NXPE4: variants seen among roughly 807,000 people sequenced by gnomAD.
The protein encoded by NXPE4 is NXPE family member 4.
NXPE4 carries 42 observed loss-of-function variants against 33.3 expected under a neutral mutation model. The ratio of observed to expected loss-of-function variants is 1.26; its 90% confidence interval spans 0.98 to 1.63. The LOEUF (loss-of-function observed/expected upper bound fraction) is 1.63. Among genes scored for constraint, NXPE4 ranks in the 40% most tolerant of loss-of-function variants. NXPE4 has a pLI of 0.00. For synonymous variants in NXPE4, 253 were observed against 234.9 expected, an observed-to-expected ratio of 1.08 and a Z score of -0.71; for missense variants, 709 against 647.6, an observed-to-expected ratio of 1.09 and a Z score of -1.03.
At chr11:114,672,554 A>G in the NXPE4 span, among the ~76,000 whole-genome samples, 1 of 152,026 alleles carries the variant, frequency 6.6e-6, no homozygotes, top group African/African-American at 2.4e-5. Context: ...GACAAGATCC[A>G]ACTAACATAT....
the NXPE4 span, among the ~76,000 whole-genome samples, chr11:114,647,604 ATAT>A: frequency 6.6e-6 from 1 of 152,110 alleles, no homozygotes; most frequent in Middle Eastern, 3.4e-3. Flanking sequence ...AAATTTCTTA[ATAT>A]TCTCTCTTTC....
chr11:114,624,829 C>T, the NXPE4 span, among the ~76,000 whole-genome samples: 2 of 151,980 alleles, frequency 1.3e-5, no homozygotes, highest in African/African-American at 2.4e-5. Flanking sequence ...TTGTGGGTAA[C>T]CACTGTTACC....
chr11:114,577,405 G>T (rs1949035963), intron 5 of NXPE4, among the ~76,000 whole-genome samples: 1 of 151,896 alleles, frequency 6.6e-6, no homozygotes, highest in Non-Finnish European at 1.5e-5. Context: ...GGAGGAAAGG[G>T]TCAGCGTTGG....
At chr11:114,581,982 A>G (rs1949156896) in intron 3 of NXPE4, among the ~76,000 whole-genome samples, 196 bp from the exon 4 acceptor site, 1 of 152,246 alleles carries the variant, frequency 6.6e-6, no homozygotes, top group Non-Finnish European at 1.5e-5. Flanking sequence ...GGTATGCAAG[A>G]GAATTTGTTG....
chr11:114,625,641 T>C, the NXPE4 span, among the ~76,000 whole-genome samples: 1 of 152,016 alleles, frequency 6.6e-6, no homozygotes, highest in Non-Finnish European at 1.5e-5. Context: ...TGTTACCCGG[T>C]GGATAATAAG....
At chr11:114,663,968 A>G in the NXPE4 span, among the ~76,000 whole-genome samples, 1 of 152,162 alleles carries the variant, frequency 6.6e-6, no homozygotes, top group South Asian at 2.1e-4. Context: ...TGGTGCAGAC[A>G]CTTCAAAACA....
intron 4 of NXPE4, 92 bp from the exon 5 acceptor site, chr11:114,580,430 AG>A (rs1377619983): frequency 1.2e-5 from 12 of 1,031,662 alleles, no homozygotes; most frequent in Admixed American, 3.7e-5. Flanking sequence ...GTATCCTAAG[AG>A]GGGGTAAGGT....
At chr11:114,624,528 T>C in the NXPE4 span, among the ~76,000 whole-genome samples, 1,552 of 151,710 alleles carry the variant, frequency 0.01, 23 homozygotes, top group African/African-American at 0.035. Context: ...TATTGCCTCG[T>C]GGGTAACCAC....
rs775503488 is a variant in NXPE4, at chr11:114,571,337, C to T, written c.1236G>A (p.Glu412=). ...CAATGGCCCGGGTGAGGTACTCCAT[C>T]TCTTTGACTGAATAGGTCATTGATC... The part of the protein sequence containing the change: ...LIGSMTYSVK[E]MEYLTRAIDR... Residue 412 remains glutamate, a synonymous_variant, in exon 6 of 6, where the codon GAG becomes GAA. Coordinates refer to ENST00000375478, the MANE Select transcript of NXPE4 (RefSeq NM_001077639.2). 3.1e-6 allele frequency: 5 copies of T among 1,614,050 alleles called. No individual in the cohort carries two copies. In the South Asian group the frequency reaches 5.5e-5, roughly 18 times the overall value.
At chr11:114,669,012 G>A in the NXPE4 span, among the ~76,000 whole-genome samples, 1 of 152,054 alleles carries the variant, frequency 6.6e-6, no homozygotes, top group African/African-American at 2.4e-5. Flanking sequence ...GTAGCCATGA[G>A]GAATGGTAGC....
chr11:114,597,931 C>T (rs979499627), upstream of NXPE4, among the ~76,000 whole-genome samples: 7 of 152,142 alleles, frequency 4.6e-5, no homozygotes, highest in Non-Finnish European at 1.0e-4. Flanking sequence ...AACAGTCCCT[C>T]AAAGTCTTAG....
the NXPE4 span, among the ~76,000 whole-genome samples, chr11:114,641,704 C>T: frequency 3.3e-5 from 5 of 151,988 alleles, no homozygotes; most frequent in African/African-American, 4.8e-5. Flanking sequence ...AGATGATCAA[C>T]AGAATAAAAC....
the NXPE4 span, among the ~76,000 whole-genome samples, chr11:114,631,273 A>C: frequency 5.2e-4 from 79 of 151,504 alleles, 1 homozygote; most frequent in South Asian, 1.2e-3. Context: ...GGAACCAACC[A>C]AAATGTCCAA....
intron 2 of NXPE4, among the ~76,000 whole-genome samples, chr11:114,588,514 C>A (rs977866609): frequency 3.3e-5 from 5 of 151,906 alleles, no homozygotes; most frequent in African/African-American, 1.2e-4. Context: ...CAAAGATGAG[C>A]AATATGTCTC....
At chr11:114,666,969 C>G in the NXPE4 span, among the ~76,000 whole-genome samples, 1 of 152,138 alleles carries the variant, frequency 6.6e-6, no homozygotes, top group Admixed American at 6.6e-5. Context: ...ACACCCATAG[C>G]CCTCAGAAAC....
intron 5 of NXPE4, 118 bp from the exon 6 acceptor site, chr11:114,571,591 A>G: frequency 2.0e-6 from 2 of 984,730 alleles, no homozygotes; most frequent in South Asian, 1.7e-5. Context: ...TGTCTAATTT[A>G]TTATAGGTTT....
intron 5 of NXPE4, among the ~76,000 whole-genome samples, chr11:114,577,153 A>G (rs1949028333): frequency 7.4e-6 from 1 of 134,544 alleles, no homozygotes; most frequent in South Asian, 2.3e-4. Flanking sequence ...TCATAAATAT[A>G]TATGTGTCAT....
At chr11:114,615,141 C>T in the NXPE4 span, among the ~76,000 whole-genome samples, 4 of 151,750 alleles carry the variant, frequency 2.6e-5, no homozygotes, top group Non-Finnish European at 5.9e-5. Context: ...TAAGTGTTAC[C>T]TTGTGTGTAA....
the NXPE4 span, among the ~76,000 whole-genome samples, chr11:114,667,343 C>A: frequency 1.3e-5 from 2 of 152,014 alleles, no homozygotes; most frequent in Non-Finnish European, 2.9e-5. Context: ...ACAAATTTCT[C>A]CTAAAATGTC....
Sources: allele counts gnomAD v4.1 joint callset (sites outside exome capture counted in the v4.1 genomes callset), GRCh38; gene constraint gnomAD v4.1.1; transcripts MANE v1.5; gene names NCBI Gene and HGNC (gene_info 2026-07-23, HGNC 2026-07-21).